The following RASA3 variants were observed in gnomAD, a reference collection of about 807,000 sequenced individuals.
RASA3 encodes RAS p21 protein activator 3.
Under a neutral mutation model 110.0 loss-of-function variants are expected in RASA3, and 73 were observed. That is an observed-to-expected ratio of 0.66 (90% CI 0.55 to 0.81). The LOEUF (loss-of-function observed/expected upper bound fraction) is 0.81. Ranked by LOEUF, RASA3 falls within the 30% of genes least tolerant of loss-of-function variation. The probability of loss-of-function intolerance (pLI) is 0.00; values close to 1 mark genes in which losing one functional copy is unlikely to be tolerated. For missense variants in RASA3, 976 were observed against 1,113.2 expected, an observed-to-expected ratio of 0.88 and a Z score of 1.75; for synonymous variants, 500 against 451.4, an observed-to-expected ratio of 1.11 and a Z score of -1.37.
chr13:114,013,620 ATCTG>A (rs66498353), intron 14 of RASA3, among the ~76,000 whole-genome samples: 29,054 of 60,008 alleles, frequency 0.48, 4,957 homozygotes, highest in South Asian at 0.58. Context: ...CCCCCCCTCC[ATCTG>A]TCTCTCTCTC....
At chr13:114,117,080 G>A (rs1190492226) in intron 1 of RASA3, among the ~76,000 whole-genome samples, 7 of 129,556 alleles carry the variant, frequency 5.4e-5, no homozygotes, top group Admixed American at 3.1e-4. Context: ...GGGGGTGCAC[G>A]TGTGTGAGGG....
At chr13:114,066,849 C>T (rs1223904651) in intron 2 of RASA3, among the ~76,000 whole-genome samples, 1 of 152,238 alleles carries the variant, frequency 6.6e-6, no homozygotes, top group African/African-American at 2.4e-5. Context: ...GGCCAGCATT[C>T]CAGGACTGAG....
At chr13:114,031,228 T>G (rs1417989082) in intron 4 of RASA3, among the ~76,000 whole-genome samples, 1 of 151,752 alleles carries the variant, frequency 6.6e-6, no homozygotes, top group Non-Finnish European at 1.5e-5. Flanking sequence ...TGTGTGCGTG[T>G]CCGTCTGTGT....
chr13:114,108,241 CCA>C (rs1377642418), intron 1 of RASA3, among the ~76,000 whole-genome samples: 5 of 100,928 alleles, frequency 5.0e-5, no homozygotes, highest in Non-Finnish European at 9.2e-5. Flanking sequence ...GTCTGTCACC[CCA>C]TGTCTGTCAC....
chr13:114,103,039 C>T (rs9562062), intron 1 of RASA3, among the ~76,000 whole-genome samples: 93,183 of 152,080 alleles, frequency 0.61, 28,952 homozygotes, highest in South Asian at 0.74. Flanking sequence ...AGGACACTCA[C>T]GTGGGCAGCT....
At chr13:114,038,628 G>A (rs1034770993) in intron 4 of RASA3, among the ~76,000 whole-genome samples, 8 of 152,226 alleles carry the variant, frequency 5.3e-5, no homozygotes, top group African/African-American at 1.9e-4. Context: ...GGCCATGGGC[G>A]TGTGCACAGC....
At chr13:114,036,894 G>A (rs555252301) in intron 4 of RASA3, among the ~76,000 whole-genome samples, 9 of 152,206 alleles carry the variant, frequency 5.9e-5, no homozygotes, top group Non-Finnish European at 1.0e-4. Flanking sequence ...TCCCTGTCAC[G>A]CTACGTTTTG....
chr13:114,030,008 C>A, intron 4 of RASA3, 121 bp from the exon 5 acceptor site: 2 of 850,862 alleles, frequency 2.4e-6, no homozygotes, highest in South Asian at 1.5e-5. Flanking sequence ...CTGCCCTGGC[C>A]AATGGGCACG....
In RASA3 at chr13:114,100,457, G is replaced by A. The variant is rs1443839716; in HGVS notation, c.56-26620C>T. Among the ~76,000 whole-genome samples, 4 of 152,350 alleles carry A rather than the reference G, an allele frequency of 2.6e-5. No individual in the cohort carries two copies. The East Asian group carries it at 7.7e-4, about 29-fold the overall frequency. On this transcript the variant is annotated intron_variant, in intron 1 of 23. Coordinates refer to ENST00000334062, the MANE Select transcript of RASA3 (RefSeq NM_007368.4). Reference sequence around the variant, plus strand: ...AAGGGGAGGAAGGTCCTGGAGGCAGGGCTCTGTCAGGCGGAGGACGTGATG... The same window carrying A: ...AAGGGGAGGAAGGTCCTGGAGGCAGAGCTCTGTCAGGCGGAGGACGTGATG...
chr13:114,055,637 C>T (rs576845237), intron 2 of RASA3, among the ~76,000 whole-genome samples: 41 of 152,268 alleles, frequency 2.7e-4, no homozygotes, highest in Non-Finnish European at 5.7e-4. Context: ...CTCTTCTGTA[C>T]GTCCTAGAGC....
At chr13:114,099,404 G>C (rs1167211736) in intron 1 of RASA3, among the ~76,000 whole-genome samples, 1 of 151,868 alleles carries the variant, frequency 6.6e-6, no homozygotes, top group Non-Finnish European at 1.5e-5. Context: ...GTGGGTGGGT[G>C]CTGGGTCGGG....
At chr13:114,113,423 A>G (rs1179305918) in intron 1 of RASA3, among the ~76,000 whole-genome samples, 3 of 152,234 alleles carry the variant, frequency 2.0e-5, no homozygotes, top group Non-Finnish European at 4.4e-5. Flanking sequence ...CACTGGGAAG[A>G]ACCATGTTGC....
At position 114,068,419 on chromosome 13, in the gene RASA3, T is replaced by C. The variant is rs561899450; in HGVS notation, c.173+5301A>G. On this transcript the variant is annotated intron_variant, in intron 2 of 23. Transcript: ENST00000334062. ...ACAGACACCATTCCACGTCCTTACG[T>C]GGATGGAAGGAAATGAGGACACGAC... 9.2e-5 allele frequency among the ~76,000 whole-genome samples: 14 copies of C among 152,210 alleles called. No homozygotes were observed. In the East Asian group the frequency reaches 2.7e-3, roughly 29 times the overall value.
In RASA3 at chr13:114,041,103, C is replaced by T. The variant is rs1186176609; in HGVS notation, c.278-9G>A. ...CTGGATGGCCACCTTCCCTGCAACACAAGCAGAGAAGACTTCACCACGGGC... is the reference window on the plus strand; with the variant it reads ...CTGGATGGCCACCTTCCCTGCAACATAAGCAGAGAAGACTTCACCACGGGC... On this transcript the variant is annotated splice_polypyrimidine_tract_variant and intron_variant, in intron 3 of 23. Coordinates refer to ENST00000334062, the MANE Select transcript of RASA3 (RefSeq NM_007368.4). 3 of 1,612,026 alleles carry T rather than the reference C, an allele frequency of 1.9e-6. No homozygotes were observed. The African/African-American group carries it at 4.0e-5, about 22-fold the overall frequency.
intron 2 of RASA3, among the ~76,000 whole-genome samples, chr13:114,054,430 G>GCC (rs71742778): frequency 0.14 from 20,701 of 152,108 alleles, 1,768 homozygotes; most frequent in Middle Eastern, 0.21. Context: ...GACTGTTGCT[G>GCC]CCCGGAGCCC....
rs2079261125 is a variant in RASA3, at chr13:114,057,270, C to G, written c.174-5115G>C. ...GGGTCACCTCAAGTCTTTCAGGAAA[C>G]CAGGCAGGACATCTGCAGGCGGCCG... is the stretch of plus-strand genomic sequence containing the variant. On this transcript the variant is annotated intron_variant, in intron 2 of 23. Transcript: ENST00000334062. This position sits in a 1 kb window ranked among gnomAD's most constrained non-coding sequence, Gnocchi z 5.0. The G allele has an allele frequency of 2.0e-6, 2 of 985,390 alleles. No individual in the cohort carries two copies. The highest frequency in any genetic ancestry group is 6.1e-5 in the Admixed American group (1 of 16,286). The allele number at this position is 985,390 out of a possible 1,614,324, so 61.0% of individuals were successfully genotyped here.
chr13:114,027,613 C>T, intron 6 of RASA3, 152 bp from the exon 7 acceptor site: 2 of 768,640 alleles, frequency 2.6e-6, no homozygotes, highest in Non-Finnish European at 4.3e-6. Flanking sequence ...AGATGGTATG[C>T]AAATCAGGAA....
intron 2 of RASA3, among the ~76,000 whole-genome samples, chr13:114,058,127 G>T (rs1379950535): frequency 6.6e-6 from 1 of 152,124 alleles, no homozygotes; most frequent in Non-Finnish European, 1.5e-5. Context: ...GTGAGGACAG[G>T]GGCGAGGACC....
intron 22 of RASA3, among the ~76,000 whole-genome samples, chr13:113,991,992 TTCACACATGC>T (rs2053127882): frequency 1.3e-5 from 2 of 151,322 alleles, no homozygotes; most frequent in Admixed American, 6.6e-5. Flanking sequence ...TGTCCACACA[TTCACACATGC>T]TCACACATGT....
Sources: gnomAD v4.1 joint callset for allele counts (sites outside exome capture counted in the v4.1 genomes callset) on GRCh38, gnomAD v4.1.1 for gene constraint, Gnocchi (gnomAD v3.1) non-coding constraint, MANE v1.5 for transcripts, NCBI Gene and HGNC (gene_info 2026-07-23, HGNC 2026-07-21) for gene names.